GALNT13: variants seen among roughly 807,000 people sequenced by gnomAD.
The protein encoded by GALNT13 is polypeptide N-acetylgalactosaminyltransferase 13.
Under a neutral mutation model 64.2 loss-of-function variants are expected in GALNT13, and 28 were observed. The ratio of observed to expected loss-of-function variants is 0.44; its 90% CI spans 0.32 to 0.60. GALNT13 has a LOEUF of 0.60. Ranked by LOEUF, GALNT13 falls within the 20% of genes least tolerant of loss-of-function variation. The probability of loss-of-function intolerance (pLI) is 0.05; values close to 1 mark genes in which losing one functional copy is unlikely to be tolerated. For synonymous variants in GALNT13, 214 were observed against 224.6 expected (o/e 0.95, Z 0.42); for missense variants, 577 against 669.8 (o/e 0.86, Z 1.53).
At chr2:153,076,806 C>T in the GALNT13 span, among the ~76,000 whole-genome samples, 1 of 152,060 alleles carries the variant, frequency 6.6e-6, no homozygotes, top group African/African-American at 2.4e-5. Context: ...TCTTTTTAAA[C>T]ATCAACACAC....
the GALNT13 span, among the ~76,000 whole-genome samples, chr2:153,165,373 T>TTACTCC: frequency 1.3e-5 from 2 of 152,218 alleles, no homozygotes; most frequent in African/African-American, 4.8e-5. Flanking sequence ...GAAATGGATT[T>TTACTCC]TACTCCTTTA....
the GALNT13 span, among the ~76,000 whole-genome samples, chr2:153,453,244 G>A: frequency 1.4e-4 from 22 of 152,200 alleles, no homozygotes; most frequent in East Asian, 1.9e-4. Context: ...CAAAGCAATC[G>A]CTACAAAAAC....
At chr2:153,542,536 G>A in the GALNT13 span, among the ~76,000 whole-genome samples, 1 of 152,126 alleles carries the variant, frequency 6.6e-6, no homozygotes, top group Non-Finnish European at 1.5e-5. Context: ...AACATCAGGG[G>A]TAAGGAATAT....
intron 2 of GALNT13, among the ~76,000 whole-genome samples, chr2:153,924,162 T>C (rs1424440137): frequency 6.6e-6 from 1 of 152,158 alleles, no homozygotes; most frequent in Non-Finnish European, 1.5e-5. Context: ...ATCACCTTTG[T>C]ATTAAGCCGA....
chr2:154,400,061 C>A (rs1239982959), intron 10 of GALNT13, among the ~76,000 whole-genome samples: 1 of 152,096 alleles, frequency 6.6e-6, no homozygotes, highest in Admixed American at 6.5e-5. Flanking sequence ...CCAAGCACTA[C>A]CTCCCAATTC....
chr2:153,150,443 A>G, the GALNT13 span, among the ~76,000 whole-genome samples: 2 of 151,920 alleles, frequency 1.3e-5, no homozygotes, highest in Admixed American at 6.6e-5. Flanking sequence ...CTCTGATGGT[A>G]GTTTCTTTTG....
the GALNT13 span, among the ~76,000 whole-genome samples, chr2:153,240,144 CT>C: frequency 6.6e-6 from 1 of 152,082 alleles, no homozygotes; most frequent in Admixed American, 6.6e-5. Context: ...GTCCTTTAAA[CT>C]TCTGTTTTGT....
At chr2:153,612,684 A>G in the GALNT13 span, among the ~76,000 whole-genome samples, 1 of 152,118 alleles carries the variant, frequency 6.6e-6, no homozygotes, top group African/African-American at 2.4e-5. Context: ...GGTTATTTTG[A>G]CATCTGCGAA....
At chr2:153,256,397 T>C in the GALNT13 span, among the ~76,000 whole-genome samples, 4 of 152,180 alleles carry the variant, frequency 2.6e-5, no homozygotes, top group African/African-American at 7.2e-5. Flanking sequence ...TTCAACTTCT[T>C]TGCCTTTGGT....
chr2:153,687,535 A>C, the GALNT13 span, among the ~76,000 whole-genome samples: 3 of 151,636 alleles, frequency 2.0e-5, no homozygotes, highest in East Asian at 5.8e-4. Flanking sequence ...TAGAAGAGTA[A>C]ATATTTATCT....
At chr2:153,953,061 A>C (rs1692308425) in intron 3 of GALNT13, among the ~76,000 whole-genome samples, 1 of 152,068 alleles carries the variant, frequency 6.6e-6, no homozygotes, top group African/African-American at 2.4e-5. Flanking sequence ...CACTGACTCA[A>C]ATGTTAGTCT....
At chr2:153,446,302 A>C in the GALNT13 span, among the ~76,000 whole-genome samples, 526 of 152,362 alleles carry the variant, frequency 3.5e-3, 3 homozygotes, top group Middle Eastern at 0.027. Flanking sequence ...GTGTCAACAT[A>C]GTCCACCAAG....
chr2:153,089,867 G>A, the GALNT13 span, among the ~76,000 whole-genome samples: 14 of 151,586 alleles, frequency 9.2e-5, no homozygotes, highest in African/African-American at 2.9e-4. Flanking sequence ...TTTTAAAGTC[G>A]GTTTTTACCT....
chr2:153,809,936 A>T, the GALNT13 span, among the ~76,000 whole-genome samples: 1 of 152,000 alleles, frequency 6.6e-6, no homozygotes, highest in African/African-American at 2.4e-5. Flanking sequence ...ACATATAAAT[A>T]TGCTATAACA....
the GALNT13 span, among the ~76,000 whole-genome samples, chr2:153,560,801 T>C: frequency 8.5e-5 from 13 of 152,118 alleles, no homozygotes; most frequent in Non-Finnish European, 1.0e-4. Context: ...AATTTTTTCA[T>C]ACTTATTCTT....
the GALNT13 span, among the ~76,000 whole-genome samples, chr2:153,676,147 A>G: frequency 1.3e-5 from 2 of 152,212 alleles, no homozygotes; most frequent in African/African-American, 4.8e-5. Context: ...GATGAAAAGA[A>G]CCAAGTAAAC....
At chr2:153,265,226 C>T in the GALNT13 span, among the ~76,000 whole-genome samples, 1 of 152,168 alleles carries the variant, frequency 6.6e-6, no homozygotes, top group East Asian at 1.9e-4. Flanking sequence ...GGGCTCTGAG[C>T]CCAGCACAGA....
chr2:154,258,448 A>G (rs1690500380), intron 7 of GALNT13, among the ~76,000 whole-genome samples: 1 of 151,498 alleles, frequency 6.6e-6, no homozygotes, highest in South Asian at 2.1e-4. Context: ...TATCATTTTA[A>G]TTAGTAAAGA....
the GALNT13 span, among the ~76,000 whole-genome samples, chr2:153,235,076 T>A: frequency 6.6e-6 from 1 of 152,140 alleles, no homozygotes; most frequent in Non-Finnish European, 1.5e-5. Flanking sequence ...GCTGGACTCA[T>A]GTAGTATGGG....
Sources: gnomAD v4.1 joint callset for allele counts (sites outside exome capture counted in the v4.1 genomes callset) on GRCh38, gnomAD v4.1.1 for gene constraint, MANE v1.5 for transcripts, NCBI Gene and HGNC (gene_info 2026-07-23, HGNC 2026-07-21) for gene names.